The following SUGCT variants were observed in gnomAD, a reference collection of about 807,000 sequenced individuals.
SUGCT encodes succinyl-CoA:glutarate CoA-transferase.
Under a neutral mutation model 55.0 loss-of-function variants are expected in SUGCT, and 41 were observed. The ratio of observed to expected loss-of-function variants is 0.74; its 90% CI spans 0.58 to 0.97. SUGCT has a LOEUF of 0.97. SUGCT is among the 50% of genes least tolerant of loss of function. The pLI is 0.00. For missense variants in SUGCT, 568 were observed against 547.8 expected (o/e 1.04, Z -0.37); for synonymous variants, 187 against 200.4 (o/e 0.93, Z 0.56).
At chr7:40,906,879 C>A in the SUGCT span, among the ~76,000 whole-genome samples, 2 of 152,106 alleles carry the variant, frequency 1.3e-5, no homozygotes, top group African/African-American at 4.8e-5. Context: ...TTTAAGAACG[C>A]TCTATAACTT....
chr7:40,151,546 C>A, intron 1 of SUGCT: 2 of 207,828 alleles, frequency 9.6e-6, no homozygotes, highest in Non-Finnish European at 2.1e-5. Context: ...TTTCCAAGAT[C>A]TCTCCTCATG....
chr7:40,353,084 T>C (rs1797717394), intron 9 of SUGCT, among the ~76,000 whole-genome samples: 1 of 152,190 alleles, frequency 6.6e-6, no homozygotes, highest in Non-Finnish European at 1.5e-5. Context: ...TTTTGAAAAG[T>C]GTCTGTGTCC....
chr7:40,545,358 T>A (rs1794933065), intron 12 of SUGCT, among the ~76,000 whole-genome samples: 1 of 152,224 alleles, frequency 6.6e-6, no homozygotes, highest in Admixed American at 6.5e-5. Flanking sequence ...CCTTTCTTCT[T>A]TCTTACTGGA....
chr7:40,163,901 A>C (rs1784299181), intron 1 of SUGCT, among the ~76,000 whole-genome samples: 1 of 151,160 alleles, frequency 6.6e-6, no homozygotes, highest in East Asian at 2.0e-4. Flanking sequence ...AGCTCACTGC[A>C]GTCTCCACGT....
chr7:40,250,424 TATATATA>T (rs1790291473), intron 7 of SUGCT, among the ~76,000 whole-genome samples: 1 of 151,500 alleles, frequency 6.6e-6, no homozygotes, highest in Admixed American at 6.6e-5. Flanking sequence ...TAATTATTCT[TATATATA>T]ATACATATTT....
rs1784607467 is a variant in SUGCT, at chr7:40,377,176, T to TA, written c.816+60321_816+60322insA. Among the ~76,000 whole-genome samples the TA allele has an allele frequency of 2.4e-4, 4 of 16,744 alleles. 2 individuals carry two copies. Among genetic ancestry groups the TA allele is most frequent in the Non-Finnish European group, 6.0e-4 (2 of 3,344 alleles). 11.0% of individuals were successfully genotyped at this position (16,744 alleles called of 152,430 possible). On this transcript the variant is annotated intron_variant, in intron 9 of 13. Transcript: ENST00000335693. ...TTTCTTTCTTTCTTTCTTTCTTTCT[T>TA]TCTTTCTTTCTTTCTTTCTTTCTTT...
chr7:40,987,401 G>A, the SUGCT span, among the ~76,000 whole-genome samples: 1 of 152,122 alleles, frequency 6.6e-6, no homozygotes. Flanking sequence ...ATTACAATGT[G>A]GTACCTTCCA....
intron 1 of SUGCT, among the ~76,000 whole-genome samples, chr7:40,137,560 T>G (rs539075865): frequency 6.6e-6 from 1 of 152,236 alleles, no homozygotes; most frequent in Admixed American, 6.5e-5. Flanking sequence ...TTTATTAAAA[T>G]TCAAAAGCCA....
chr7:40,891,543 A>G, the SUGCT span, among the ~76,000 whole-genome samples: 23 of 152,330 alleles, frequency 1.5e-4, 1 homozygote, highest in South Asian at 1.0e-3. Context: ...AAAAACTGCC[A>G]ATCAGGAATA....
intron 9 of SUGCT, among the ~76,000 whole-genome samples, chr7:40,439,100 A>G (rs1362779399): frequency 1.2e-4 from 16 of 132,694 alleles, no homozygotes; most frequent in African/African-American, 3.4e-4. Flanking sequence ...ATATATATAT[A>G]TATATATATA....
chr7:40,894,098 T>C, the SUGCT span, among the ~76,000 whole-genome samples: 1 of 149,192 alleles, frequency 6.7e-6, no homozygotes, highest in Non-Finnish European at 1.5e-5. Context: ...AAGTTTACAG[T>C]AACCAAAACA....
chr7:40,778,174 A>G (rs1212789371), intron 13 of SUGCT, among the ~76,000 whole-genome samples: 1 of 152,128 alleles, frequency 6.6e-6, no homozygotes, highest in African/African-American at 2.4e-5. Flanking sequence ...CTATTGTTTT[A>G]CTCAGCTGTG....
intron 12 of SUGCT, among the ~76,000 whole-genome samples, chr7:40,590,966 G>A (rs1377162508): frequency 6.6e-6 from 1 of 152,130 alleles, no homozygotes; most frequent in Non-Finnish European, 1.5e-5. Context: ...TTACCCAAGA[G>A]CGCTGATGGA....
At chr7:40,968,925 C>A in the SUGCT span, among the ~76,000 whole-genome samples, 1 of 152,148 alleles carries the variant, frequency 6.6e-6, no homozygotes, top group Admixed American at 6.5e-5. Flanking sequence ...ATCCAGAAGG[C>A]CTGCCTGTAG....
At chr7:40,828,878 G>A (rs1258455730) in intron 13 of SUGCT, among the ~76,000 whole-genome samples, 1 of 152,074 alleles carries the variant, frequency 6.6e-6, no homozygotes. Flanking sequence ...AAAAAGAAGC[G>A]GTTTGGACCG....
At chr7:40,496,998 A>C (rs1294580636) in intron 12 of SUGCT, among the ~76,000 whole-genome samples, 4 of 152,274 alleles carry the variant, frequency 2.6e-5, no homozygotes, top group African/African-American at 9.6e-5. Flanking sequence ...AAATATATTT[A>C]CTTTATAACA....
chr7:40,487,250 GTTTTTTTTTTTT>G (rs1167865633), intron 11 of SUGCT, among the ~76,000 whole-genome samples: 527 of 42,914 alleles, frequency 0.012, 9 homozygotes, highest in African/African-American at 0.046. Context: ...ACACCCAGCT[GTTTTTTTTTTTT>G]TTTTTTTTTT....
At chr7:40,795,042 C>T (rs1342717825) in intron 13 of SUGCT, among the ~76,000 whole-genome samples, 1 of 152,076 alleles carries the variant, frequency 6.6e-6, no homozygotes, top group Non-Finnish European at 1.5e-5. Flanking sequence ...TTCCATAGAA[C>T]ACTAATTGTA....
intron 9 of SUGCT, among the ~76,000 whole-genome samples, chr7:40,319,530 G>GCCTA (rs1795614409): frequency 6.6e-6 from 1 of 152,166 alleles, no homozygotes; most frequent in Non-Finnish European, 1.5e-5. Context: ...TACTTGAGGT[G>GCCTA]CCTAGCTCAC....
Sources: gnomAD v4.1 joint callset for allele counts (sites outside exome capture counted in the v4.1 genomes callset) on GRCh38, gnomAD v4.1.1 for gene constraint, MANE v1.5 for transcripts, NCBI Gene and HGNC (gene_info 2026-07-23, HGNC 2026-07-21) for gene names.